IL4I1: variants seen among roughly 807,000 people sequenced by gnomAD.
IL4I1 encodes interleukin 4 induced 1.
In IL4I1, 24 loss-of-function variants were observed where a neutral mutation model predicts 29.7. That is an observed-to-expected ratio of 0.81 (90% CI 0.59 to 1.14). The LOEUF (loss-of-function observed/expected upper bound fraction) is 1.14. Among genes scored for constraint, IL4I1 ranks in the 50% most tolerant of loss-of-function variants. The pLI is 0.00. For synonymous variants in IL4I1, 371 were observed against 352.5 expected, an observed-to-expected ratio of 1.05 and a Z score of -0.59; for missense variants, 686 against 785.6, an observed-to-expected ratio of 0.87 and a Z score of 1.52.
intron 3 of IL4I1, 117 bp downstream of exon 3, chr19:49,895,698 T>TGCCCCCCCCAACCCCCCCCCCC: frequency 2.8e-6 from 2 of 705,418 alleles, no homozygotes; most frequent in Non-Finnish European, 4.7e-6. Context: ...AGATAGCCTC[T>TGCCCCCCCCAACCCCCCCCCCC]CCCCCCACAT....
intron 2 of IL4I1, chr19:49,909,064 G>A (rs1366566628): frequency 3.7e-6 from 6 of 1,612,804 alleles, no homozygotes; most frequent in Admixed American, 3.3e-5. Context: ...CAGCAGTGGG[G>A]GCGCCCGCTG....
upstream of IL4I1, chr19:49,897,008 G>A: frequency 2.7e-6 from 1 of 377,088 alleles, no homozygotes; most frequent in African/African-American, 2.2e-5. Flanking sequence ...CCAATGCTCA[G>A]AGTCTAGTTG....
At chr19:49,905,898 T>C (rs1178076115) in intron 2 of IL4I1, among the ~76,000 whole-genome samples, 2 of 151,524 alleles carry the variant, frequency 1.3e-5, no homozygotes, top group East Asian at 3.9e-4. Context: ...CCACCGCACC[T>C]GGCCGGTCCA....
intron 1 of IL4I1, 113 bp downstream of exon 1, chr19:49,896,722 C>T (rs3848551): frequency 0.015 from 9,650 of 647,298 alleles, 524 homozygotes; most frequent in East Asian, 0.13. Flanking sequence ...GCATGAGCCC[C>T]CGCGCCCGGC....
intron 2 of IL4I1, among the ~76,000 whole-genome samples, chr19:49,920,067 ATG>A (rs1445113889): frequency 3.4e-5 from 5 of 149,098 alleles, no homozygotes; most frequent in African/African-American, 1.3e-4. Context: ...GGGATTACAC[ATG>A]TGTGCCACCA....
chr19:49,905,902 C>G (rs568214369), intron 2 of IL4I1, among the ~76,000 whole-genome samples: 1 of 152,206 alleles, frequency 6.6e-6, no homozygotes, highest in Admixed American at 6.5e-5. Flanking sequence ...CGCACCTGGC[C>G]GGTCCAAGGA....
chr19:49,890,447 A>G lies in IL4I1; in HGVS notation c.927T>C (p.Asn309=), dbSNP rs754842354. 1 of 1,611,736 alleles carries G rather than the reference A, an allele frequency of 6.2e-7. No individual in the cohort carries two copies. Among genetic ancestry groups the G allele is most frequent in the Non-Finnish European group, 8.5e-7 (1 of 1,179,770 alleles). The stretch of plus-strand genomic sequence containing the variant: ...CCACGTCGGCCTTCAGCACCTTCAG[A>G]TTCCGCGCCGGGGGAGAGGTCTCGA... ...VQIETSPPAR[N]LKVLKADVVL... Residue 309 remains asparagine (N), a synonymous_variant, in exon 8 of 8, where the codon AAT becomes AAC. Coordinates refer to ENST00000391826, the MANE Select transcript of IL4I1 (RefSeq NM_152899.2).
At chr19:49,901,311 G>T (rs972988936), upstream of IL4I1, among the ~76,000 whole-genome samples, 1 of 152,232 alleles carries the variant, frequency 6.6e-6, no homozygotes, top group African/African-American at 2.4e-5. Context: ...TCGAGCCTGG[G>T]AGGCAGAGGT....
At position 49,891,069 on chromosome 19, in the gene IL4I1, G is replaced by A; in HGVS notation, c.675C>T (p.Ala225=). ...LLGEGNLSRP[A]VQLLGDVMSE... is the part of the protein sequence containing the mutation. ...ACATCACGTCTCCCAGAAGCTGCAC[G>A]GCCGGCCGGCTCAGGTTCCCCTCCC... The change falls in exon 7 of 8, where the codon GCC becomes GCT. Residue 225 remains alanine, a synonymous_variant. Transcript: ENST00000391826. 6.2e-7 allele frequency: 1 copy of A among 1,613,590 alleles called. No individual in the cohort carries two copies. Among genetic ancestry groups the A allele is most frequent in the Non-Finnish European group, 8.5e-7 (1 of 1,179,950 alleles).
rs544327221 is a variant in IL4I1, at chr19:49,913,822, G to T, written c.-227-9501C>A. ...ACGTGACAGGCGGGAGAATCTGGCA[G>T]ACCCATACATACCATGCTAACGGTT... On this transcript the variant is annotated intron_variant, in intron 2 of 9. Coordinates refer to the IL4I1 transcript ENST00000341114. Among the ~76,000 whole-genome samples the T allele has an allele frequency of 5.3e-5, 8 of 152,302 alleles. 1 individual carries two copies. In the South Asian group the frequency reaches 1.7e-3, roughly 32 times the overall value.
chr19:49,908,279 C>T (rs142980354), intron 2 of IL4I1: 10 of 1,613,652 alleles, frequency 6.2e-6, no homozygotes, highest in African/African-American at 5.3e-5. Flanking sequence ...CTGCTCCTTG[C>T]GCCGGCCCTC....
chr19:49,908,811 G>A, intron 2 of IL4I1: 1 of 1,613,550 alleles, frequency 6.2e-7, no homozygotes, highest in Non-Finnish European at 8.5e-7. Flanking sequence ...AGGCTCTCCA[G>A]CTGCGCGTAG....
At chr19:49,908,303 A>C (rs1600495169) in intron 2 of IL4I1, 1 of 1,613,598 alleles carries the variant, frequency 6.2e-7, no homozygotes, top group Admixed American at 1.7e-5. Flanking sequence ...CACCTTGGTC[A>C]CCTCCTCCAC....
intron 2 of IL4I1, among the ~76,000 whole-genome samples, chr19:49,905,601 T>C (rs2122568213): frequency 6.6e-6 from 1 of 152,306 alleles, no homozygotes; most frequent in South Asian, 2.1e-4. Context: ...AAGGAAATTT[T>C]ATTTATTTAT....
At chr19:49,924,847 A>T (rs2075847668) in intron 2 of IL4I1, among the ~76,000 whole-genome samples, 1 of 152,206 alleles carries the variant, frequency 6.6e-6, no homozygotes, top group Non-Finnish European at 1.5e-5. Context: ...CAATAGCTAG[A>T]GAGAAAAGGC....
In IL4I1 at chr19:49,890,402, T is replaced by G; in HGVS notation, c.972A>C (p.Gly324=). 1 of 1,607,514 alleles carries G rather than the reference T, an allele frequency of 6.2e-7. No individual in the cohort carries two copies. Among genetic ancestry groups the G allele is most frequent in the Non-Finnish European group, 8.5e-7 (1 of 1,178,566 alleles). The change falls in exon 8 of 8, where the codon GGA becomes GGC. Residue 324 remains glycine, a synonymous_variant. Coordinates refer to ENST00000391826, the MANE Select transcript of IL4I1 (RefSeq NM_152899.2). ...AGAAGGTGATGCGCTTCACCGCCGG[T>G]CCGCTCGCCGTCAGCAGCACCACGT... ...KADVVLLTAS[G]PAVKRITFSP...
intron 3 of IL4I1, among the ~76,000 whole-genome samples, chr19:49,903,684 T>A (rs2075290060): frequency 1.3e-5 from 2 of 152,212 alleles, no homozygotes; most frequent in African/African-American, 4.8e-5. Flanking sequence ...TCATAAGAGC[T>A]GATTTACATT....
At chr19:49,899,535 C>T (rs1261842651), upstream of IL4I1, among the ~76,000 whole-genome samples, 1 of 151,642 alleles carries the variant, frequency 6.6e-6, no homozygotes, top group African/African-American at 2.4e-5. Context: ...CAGGAGTGCA[C>T]TACCACACCT....
At position 49,894,358 on chromosome 19, in the gene IL4I1, C is replaced by T. The variant is rs761993748; in HGVS notation, c.477G>A (p.Val159=). ...VHEVKLRNYV[V]EKVPEKLGYA... ...AGCCCAGCTTCTCGGGCACCTTCTC[C>T]ACCACATAGTTGCGCAGCTTCACTT... The change falls in exon 5 of 8, where the codon GTG becomes GTA. Residue 159 remains valine, a synonymous_variant. Coordinates refer to ENST00000391826, the MANE Select transcript of IL4I1 (RefSeq NM_152899.2). 6.2e-7 allele frequency: 1 copy of T among 1,614,126 alleles called. No individual in the cohort carries two copies. Among genetic ancestry groups the T allele is most frequent in the Non-Finnish European group, 8.5e-7 (1 of 1,180,054 alleles).
Sources: gnomAD v4.1 joint callset for allele counts (sites outside exome capture counted in the v4.1 genomes callset) on GRCh38, gnomAD v4.1.1 for gene constraint, MANE v1.5 for transcripts, NCBI Gene and HGNC (gene_info 2026-07-23, HGNC 2026-07-21) for gene names.